Variants in CEP85L observed in about 807,000 individuals in gnomAD.
CEP85L encodes the protein centrosomal protein 85L, also known as centrosomal protein of 85 kDa-like.
A neutral mutation model predicts 100.3 loss-of-function variants in CEP85L; 60 were observed. That is an observed-to-expected ratio of 0.60 (90% CI 0.49 to 0.74). The LOEUF is 0.74. Ranked by LOEUF, CEP85L falls within the 30% of genes least tolerant of loss-of-function variation. The pLI is 0.00. For synonymous variants in CEP85L, 319 were observed against 322.7 expected (o/e 0.99, Z 0.12); for missense variants, 973 against 936.2 (o/e 1.04, Z -0.51).
chr6:118,669,127 G>T (rs531617226), intron 1 of CEP85L, among the ~76,000 whole-genome samples: 1 of 152,212 alleles, frequency 6.6e-6, no homozygotes, highest in East Asian at 1.9e-4. Flanking sequence ...AATTGGAACA[G>T]TAAACAGAAC....
intron 1 of CEP85L, among the ~76,000 whole-genome samples, chr6:118,695,796 T>G (rs1777187815): frequency 6.6e-6 from 1 of 152,224 alleles, no homozygotes; most frequent in Non-Finnish European, 1.5e-5. Context: ...TGATGGTATG[T>G]AAGTAAGATG....
chr6:118,588,507 T>C (rs985893040), intron 2 of CEP85L, among the ~76,000 whole-genome samples: 1 of 152,156 alleles, frequency 6.6e-6, no homozygotes, highest in African/African-American at 2.4e-5. Flanking sequence ...ATTAACCCTC[T>C]AGTAGATTAA....
At position 118,560,873 on chromosome 6, in the gene CEP85L, C is replaced by T. The variant is rs1162299487; in HGVS notation, c.1020+4656G>A. The T allele has an allele frequency of 2.6e-5, 4 of 152,358 alleles. No individual in the cohort carries two copies. The East Asian group carries it at 7.7e-4, about 29-fold the overall frequency. The allele number at this position is 152,358 out of a possible 1,614,324, so 9.4% of individuals were successfully genotyped here. Reference sequence around the variant, plus strand: ...TTAAAATTAAGTCTAAAATAGTTTACACCTATACTGCATAATCCAACAATT... The same window carrying T: ...TTAAAATTAAGTCTAAAATAGTTTATACCTATACTGCATAATCCAACAATT... On this transcript the variant is annotated intron_variant, in intron 3 of 12. Transcript: ENST00000368491.
intron 1 of CEP85L, among the ~76,000 whole-genome samples, chr6:118,663,698 A>C (rs1462356001): frequency 6.6e-6 from 1 of 152,178 alleles, no homozygotes; most frequent in Non-Finnish European, 1.5e-5. Flanking sequence ...TTGGTACCCA[A>C]GAGGGATTGG....
intron 3 of CEP85L, among the ~76,000 whole-genome samples, chr6:118,553,643 C>T (rs1396765204): frequency 2.0e-5 from 3 of 152,124 alleles, no homozygotes; most frequent in African/African-American, 7.2e-5. Flanking sequence ...TATTTTTGGT[C>T]ATCTCCTTTA....
chr6:118,566,661 T>A (rs140916401), intron 2 of CEP85L, among the ~76,000 whole-genome samples: 2,452 of 152,188 alleles, frequency 0.016, 35 homozygotes, highest in Non-Finnish European at 0.027. Context: ...TAAGGTGATC[T>A]GCCTGCCTCA....
chr6:118,608,141 T>A (rs2115209111), intron 2 of CEP85L, among the ~76,000 whole-genome samples: 1 of 152,240 alleles, frequency 6.6e-6, no homozygotes, highest in East Asian at 1.9e-4. Context: ...TGTGTCTTTT[T>A]TATTTTGCAT....
intron 1 of CEP85L, among the ~76,000 whole-genome samples, chr6:118,674,681 T>A (rs78970598): frequency 6.6e-6 from 1 of 152,180 alleles, no homozygotes; most frequent in Non-Finnish European, 1.5e-5. Context: ...AAAGAAGATA[T>A]ACGCATGACC....
In CEP85L at chr6:118,501,812, G is replaced by C. The variant is rs917675019; in HGVS notation, c.1257+9486C>G. 1.2e-5 allele frequency: 4 copies of C among 324,326 alleles called. No individual in the cohort carries two copies. The African/African-American group carries it at 3.4e-4, about 28-fold the overall frequency. 20.1% of individuals were successfully genotyped at this position (324,326 alleles called of 1,614,324 possible). A position where few individuals can be genotyped will look rare whatever the true frequency, so the allele number is the denominator to read the frequency against. Reference sequence around the variant, plus strand: ...GGGGAGGATGGAGGCTGCTGGCTGAGAGAGAGAGAGAGAGAGAGAGGACTC... The same window carrying C: ...GGGGAGGATGGAGGCTGCTGGCTGACAGAGAGAGAGAGAGAGAGAGGACTC... On this transcript the variant is annotated intron_variant, in intron 5 of 12. Transcript: ENST00000368491.
chr6:118,684,225 C>G (rs551516727), intron 1 of CEP85L, among the ~76,000 whole-genome samples: 1 of 152,310 alleles, frequency 6.6e-6, no homozygotes, highest in Admixed American at 6.5e-5. Flanking sequence ...CACCCCCCTA[C>G]GTTTACATGG....
intron 2 of CEP85L, among the ~76,000 whole-genome samples, chr6:118,567,231 GTGTGTGTGTGTGTGTGTGTA>G (rs1200268366): frequency 9.8e-4 from 80 of 81,956 alleles, no homozygotes; most frequent in South Asian, 3.7e-3. Context: ...GTGTGTGTGT[GTGTGTGTGTGTGTGTGTGTA>G]TATATATATA....
chr6:118,475,347 A>T (rs1198361573), intron 10 of CEP85L, among the ~76,000 whole-genome samples: 3 of 79,038 alleles, frequency 3.8e-5, no homozygotes, highest in Non-Finnish European at 5.5e-5. Flanking sequence ...TGTAGGTGAC[A>T]TTTTTTTTTT....
At chr6:118,709,762 T>C (rs1777726716) in intron 1 of CEP85L, among the ~76,000 whole-genome samples, 3 of 152,094 alleles carry the variant, frequency 2.0e-5, no homozygotes, top group Non-Finnish European at 4.4e-5. Context: ...CAAAGACCAT[T>C]TGCCATCTGT....
At chr6:118,582,379 G>A (rs1189687346) in intron 2 of CEP85L, among the ~76,000 whole-genome samples, 1 of 152,206 alleles carries the variant, frequency 6.6e-6, no homozygotes, top group Non-Finnish European at 1.5e-5. Context: ...GGGATGTTAT[G>A]TTGCTGCTAA....
intron 4 of CEP85L, among the ~76,000 whole-genome samples, chr6:118,517,332 G>A (rs186409923): frequency 1.3e-5 from 2 of 152,248 alleles, no homozygotes; most frequent in South Asian, 2.1e-4. Flanking sequence ...ATTACTTTGG[G>A]AAGCATAACC....
chr6:118,475,924 C>T (rs1269582940), intron 10 of CEP85L, among the ~76,000 whole-genome samples: 1 of 152,122 alleles, frequency 6.6e-6, no homozygotes, highest in Non-Finnish European at 1.5e-5. Context: ...AAGTTAGGGA[C>T]TGCCTGAGGA....
intron 2 of CEP85L, among the ~76,000 whole-genome samples, chr6:118,612,445 C>T (rs925587695): frequency 2.0e-5 from 3 of 149,718 alleles, no homozygotes; most frequent in African/African-American, 7.4e-5. Flanking sequence ...ATCATGAGGT[C>T]AGGAGATCCA....
intron 5 of CEP85L, among the ~76,000 whole-genome samples, chr6:118,508,933 C>A (rs1775814004): frequency 6.6e-6 from 1 of 152,024 alleles, no homozygotes; most frequent in Non-Finnish European, 1.5e-5. Context: ...TTTCTTCTAA[C>A]CCTCACCATT....
At chr6:118,500,242 G>C (rs1173687256) in intron 5 of CEP85L, among the ~76,000 whole-genome samples, 1 of 152,102 alleles carries the variant, frequency 6.6e-6, no homozygotes, top group Non-Finnish European at 1.5e-5. Flanking sequence ...AGGAGTTGGA[G>C]GCTGTAGTGA....
Sources: gnomAD v4.1 joint callset for allele counts (sites outside exome capture counted in the v4.1 genomes callset) on GRCh38, gnomAD v4.1.1 for gene constraint, MANE v1.5 for transcripts, NCBI Gene and HGNC (gene_info 2026-07-23, HGNC 2026-07-21) for gene names.